The following FMO3 variants were observed in gnomAD, a reference collection of about 807,000 sequenced individuals.
The protein encoded by FMO3 is flavin containing dimethylaniline monoxygenase 3.
In FMO3, 40 loss-of-function variants were observed where a neutral mutation model predicts 39.4. The observed-to-expected ratio is 1.02, with a 90% CI of 0.79 to 1.32. FMO3 has a LOEUF of 1.32. Among genes scored for constraint, FMO3 ranks in the 40% most tolerant of loss-of-function variants. The pLI, the probability that FMO3 is intolerant of heterozygous loss-of-function variation, is 0.00. For synonymous variants in FMO3, 219 were observed against 228.8 expected (o/e 0.96, Z 0.39); for missense variants, 680 against 651.8 (o/e 1.04, Z -0.47).
intron 8 of FMO3, among the ~76,000 whole-genome samples, chr1:171,116,652 A>T (rs1557948089): frequency 6.6e-6 from 1 of 152,178 alleles, no homozygotes; most frequent in South Asian, 2.1e-4. Flanking sequence ...ATTCTCTAAG[A>T]TGTAGAGGAT....
At chr1:171,108,605 G>C (rs576213747) in intron 5 of FMO3, among the ~76,000 whole-genome samples, 1 of 152,162 alleles carries the variant, frequency 6.6e-6, no homozygotes, top group Admixed American at 6.5e-5. Context: ...CCTACTTCTG[G>C]GCTTGTTATA....
At chr1:171,104,338 G>A (rs1655544571) in intron 3 of FMO3, among the ~76,000 whole-genome samples, 1 of 152,014 alleles carries the variant, frequency 6.6e-6, no homozygotes. Context: ...TGTTAATTTA[G>A]TCTATGTATC....
intron 1 of FMO3, among the ~76,000 whole-genome samples, chr1:171,092,155 T>C (rs146651012): frequency 6.2e-4 from 94 of 152,278 alleles, no homozygotes; most frequent in African/African-American, 2.2e-3. Context: ...AGTGCTTATT[T>C]TTTTTTCAGA....
intron 2 of FMO3, among the ~76,000 whole-genome samples, chr1:171,096,246 C>T (rs182299466): frequency 0.47 from 37,174 of 78,336 alleles, 8,664 homozygotes; most frequent in African/African-American, 0.63. Flanking sequence ...TTATTTCATA[C>T]ATATTATATA....
At chr1:171,093,150 G>T (rs1437740351) in intron 2 of FMO3, among the ~76,000 whole-genome samples, 1 of 151,126 alleles carries the variant, frequency 6.6e-6, no homozygotes, top group African/African-American at 2.4e-5. Context: ...AGATTTAGGG[G>T]GTACAAGTGC....
chr1:171,100,940 C>A, intron 2 of FMO3: 1 of 321,734 alleles, frequency 3.1e-6, no homozygotes, highest in Non-Finnish European at 6.2e-6. Flanking sequence ...GGGTGAGCCC[C>A]AAACGCTATA....
intron 2 of FMO3, among the ~76,000 whole-genome samples, chr1:171,102,902 C>A (rs1655471058): frequency 6.6e-6 from 1 of 152,134 alleles, no homozygotes; most frequent in African/African-American, 2.4e-5. Context: ...TTGTTACTTA[C>A]ATAAGTGCTT....
At chr1:171,096,751 A>T (rs1655106686) in intron 2 of FMO3, among the ~76,000 whole-genome samples, 1 of 137,208 alleles carries the variant, frequency 7.3e-6, no homozygotes, top group Non-Finnish European at 1.5e-5. Flanking sequence ...TAATATAATT[A>T]TATTAAAAAT....
rs562960392 is a variant in FMO3, at chr1:171,112,423, G to T, written c.827+1426G>T. ...ACTCTCAAAAACCTGAATCAGAGGG[G>T]ATGTTGGTCTGGACCAAAATTGTTA... On this transcript the variant is annotated intron_variant, in intron 6 of 8. Coordinates refer to ENST00000367755, the MANE Select transcript of FMO3 (RefSeq NM_001002294.3). Among the ~76,000 whole-genome samples the T allele has an allele frequency of 4.6e-5, 7 of 152,310 alleles. No homozygotes were observed. The South Asian group carries it at 1.5e-3, about 32-fold the overall frequency.
chr1:171,100,244 A>G (rs1050113236), intron 2 of FMO3: 5 of 152,192 alleles, frequency 3.3e-5, no homozygotes, highest in African/African-American at 1.2e-4. Context: ...GAAGACTTTA[A>G]AATTTGAACC....
chr1:171,109,381 T>G (rs1293097481), intron 5 of FMO3, among the ~76,000 whole-genome samples: 2 of 152,146 alleles, frequency 1.3e-5, no homozygotes, highest in African/African-American at 4.8e-5. Context: ...AAATCATTAT[T>G]TCAGCTTCTT....
At chr1:171,101,896 A>T in intron 2 of FMO3, 1 of 350,252 alleles carries the variant, frequency 2.9e-6, no homozygotes, top group Middle Eastern at 4.5e-4. Context: ...TTCTGGGAAT[A>T]CCTCCCTTTT....
At chr1:171,100,949 T>G (rs1655352992) in intron 2 of FMO3, 1 of 347,842 alleles carries the variant, frequency 2.9e-6, no homozygotes, top group Non-Finnish European at 5.7e-6. Flanking sequence ...CCAAACGCTA[T>G]AATGAATGCA....
At position 171,092,673 on chromosome 1, in the gene FMO3, G is replaced by A. The variant is rs757176077; in HGVS notation, c.15G>A (p.Val5=). 5.6e-6 allele frequency: 9 copies of A among 1,614,172 alleles called. No homozygotes were observed. Among genetic ancestry groups the A allele is most frequent in the African/African-American group, 2.7e-5 (2 of 75,068 alleles). Residue 5 remains valine (V), a synonymous_variant, in exon 2 of 9, where the codon GTG becomes GTA. Transcript: ENST00000367755. MGKK[V]AIIGAGVSGL... ...CACAGGTTACCATGGGGAAGAAAGT[G>A]GCCATCATTGGAGCTGGTGTGAGTG...
chr1:171,115,379 A>C (rs1656098278), intron 7 of FMO3, among the ~76,000 whole-genome samples: 1 of 151,924 alleles, frequency 6.6e-6, no homozygotes, highest in Admixed American at 6.6e-5. Flanking sequence ...CAGGCTAAAA[A>C]ACAGTCTCTT....
In FMO3 at chr1:171,117,632, A is replaced by T; in HGVS notation, c.*190A>T. 1 of 542,622 alleles carries T rather than the reference A, an allele frequency of 1.8e-6. No homozygotes were observed. Among genetic ancestry groups the T allele is most frequent in the Non-Finnish European group, 3.2e-6 (1 of 308,236 alleles). 33.6% of individuals were successfully genotyped at this position (542,622 alleles called of 1,614,324 possible). A position where few individuals can be genotyped will look rare whatever the true frequency, so the allele number is the denominator to read the frequency against. On this transcript the variant is annotated 3_prime_UTR_variant, in exon 9 of 9. Coordinates refer to ENST00000367755, the MANE Select transcript of FMO3 (RefSeq NM_001002294.3). The stretch of plus-strand genomic sequence containing the variant: ...TAGCCACTTTAAGAATCATGTCATG[A>T]TCTTAAGAGAGCACTAATCATTTCT...
chr1:171,094,059 G>A (rs1654843556), intron 2 of FMO3, among the ~76,000 whole-genome samples: 1 of 151,728 alleles, frequency 6.6e-6, no homozygotes, highest in Non-Finnish European at 1.5e-5. Context: ...AAACTCCTCA[G>A]CTCAGGTGAT....
intron 1 of FMO3, among the ~76,000 whole-genome samples, chr1:171,091,257 G>GAT (rs1430543722): frequency 6.6e-6 from 1 of 151,804 alleles, no homozygotes; most frequent in African/African-American, 2.4e-5. Context: ...AATAAAAGGT[G>GAT]ATATAGTAAA....
chr1:171,099,340 G>A (rs1171527237), intron 2 of FMO3, among the ~76,000 whole-genome samples: 2 of 152,124 alleles, frequency 1.3e-5, no homozygotes, highest in Non-Finnish European at 2.9e-5. Flanking sequence ...TTTTGGATTA[G>A]GTGTGGTGTG....
Sources: allele counts gnomAD v4.1 joint callset (sites outside exome capture counted in the v4.1 genomes callset), GRCh38; gene constraint gnomAD v4.1.1; transcripts MANE v1.5; gene names NCBI Gene and HGNC (gene_info 2026-07-23, HGNC 2026-07-21).